AMY2B: variants seen among roughly 807,000 people sequenced by gnomAD.
AMY2B encodes amylase alpha 2B.
AMY2B carries 63 observed loss-of-function variants against 59.3 expected under a neutral mutation model. That is an observed-to-expected ratio of 1.06 (90% CI 0.87 to 1.31). The LOEUF (loss-of-function observed/expected upper bound fraction) is 1.31, where lower values mean the gene tolerates loss of function less well. AMY2B is among the 50% of genes most tolerant of loss of function. AMY2B has a pLI of 0.00. For synonymous variants in AMY2B, 180 were observed against 198.1 expected, an observed-to-expected ratio of 0.91 and a Z score of 0.77; for missense variants, 635 against 626.7, an observed-to-expected ratio of 1.01 and a Z score of -0.14.
rs768084085 is a variant in AMY2B, at chr1:103,577,593, G to A, written c.1205G>A (p.Arg402Gln). Residue 402 changes from arginine to glutamine, a missense_variant, in exon 8 of 10, where the codon CGA becomes CAA. Transcript: ENST00000684275. ...GGCAATGACTGGGTCTGTGAACATC[G>A]ATGGCGCCAAATAAGGTGAGAATAT... ...TCGNDWVCEH[R>Q]WRQIRNMVNF... 3.4e-5 allele frequency: 54 copies of A among 1,611,754 alleles called. No individual in the cohort carries two copies. The highest frequency in any genetic ancestry group is 4.2e-5 in the Non-Finnish European group (50 of 1,179,798).
rs529357881 is a variant in AMY2B at position 103,559,637 on chromosome 1, G to A, written c.-207+4528G>A. Among the ~76,000 whole-genome samples, 62 of 151,984 alleles carry A rather than the reference G, an allele frequency of 4.1e-4. 2 individuals carry two copies. In the South Asian group the frequency reaches 0.011, roughly 28 times the overall value. On this transcript the variant is annotated intron_variant, in intron 1 of 11. Transcript: ENST00000361355. ...CATAAGAACTGGAAACATTCAATAAGAAAAATAATAAAAGCAAAAGAAGAT... is the reference window on the plus strand; with the variant it reads ...CATAAGAACTGGAAACATTCAATAAAAAAAATAATAAAAGCAAAAGAAGAT...
chr1:103,575,161 T>A (rs1042212695), intron 5 of AMY2B, 62 bp from the exon 6 acceptor site: 1 of 1,608,548 alleles, frequency 6.2e-7, no homozygotes, highest in Non-Finnish European at 8.5e-7. Flanking sequence ...GATGCACAGT[T>A]AAGTTACTCG....
intron 9 of AMY2B, 127 bp downstream of exon 9, chr1:103,577,972 A>G: frequency 6.5e-7 from 1 of 1,529,590 alleles, no homozygotes. Flanking sequence ...AAGACAATAG[A>G]CATCAAAATT....
chr1:103,569,742 C>A, upstream of AMY2B: 1 of 416,242 alleles, frequency 2.4e-6, no homozygotes, highest in South Asian at 2.0e-5. Flanking sequence ...AGCACAGTAT[C>A]CTGACCCTGA....
At chr1:103,574,797 A>C (rs1346990150) in intron 5 of AMY2B, among the ~76,000 whole-genome samples, 1 of 151,470 alleles carries the variant, frequency 6.6e-6, no homozygotes, top group Non-Finnish European at 1.5e-5. Context: ...ATAACAATAC[A>C]GTATTGAAGC....
upstream of AMY2B, chr1:103,569,706 C>T (rs981693035): frequency 9.9e-6 from 4 of 402,160 alleles, no homozygotes; most frequent in South Asian, 8.3e-5. Context: ...AGAGGGACTC[C>T]TATGTGGGCT....
intron 1 of AMY2B, among the ~76,000 whole-genome samples, chr1:103,563,537 G>A (rs74410152): frequency 6.6e-6 from 1 of 151,968 alleles, no homozygotes; most frequent in Non-Finnish European, 1.5e-5. Flanking sequence ...TTCTCCTATG[G>A]GGTATATAGC....
At position 103,571,721 on chromosome 1, in the gene AMY2B, C is replaced by T. The variant is rs147844679; in HGVS notation, c.119C>T (p.Ala40Val). 12 of 1,611,786 alleles carry T rather than the reference C, an allele frequency of 7.4e-6. No homozygotes were observed. In the African/African-American group the frequency reaches 1.6e-4, roughly 22 times the overall value. Reference protein sequence around the residue: ...HLFEWRWVDIALECERYLAPK... With the variant: ...HLFEWRWVDIVLECERYLAPK... ...TTTGAATGGCGATGGGTTGATATTG[C>T]TCTTGAATGTGAGCGATATTTAGCT... is the stretch of plus-strand genomic sequence containing the variant. The change falls in exon 1 of 10, where the codon GCT becomes GTT. Residue 40 changes from alanine to valine, a missense_variant. Ala to Val is a moderately conservative substitution (Grantham distance 64). Transcript: ENST00000684275.
intron 1 of AMY2B, 43 bp downstream of exon 1, chr1:103,571,813 T>A: frequency 6.2e-7 from 1 of 1,611,956 alleles, no homozygotes; most frequent in Non-Finnish European, 8.5e-7. Context: ...TCACTATGCT[T>A]GTAGTAAATA....
At chr1:103,564,539 A>T (rs1237937675) in intron 1 of AMY2B, among the ~76,000 whole-genome samples, 1 of 151,718 alleles carries the variant, frequency 6.6e-6, no homozygotes, top group African/African-American at 2.4e-5. Flanking sequence ...TCTCCTTCCT[A>T]CTCCCTGTAC....
upstream of AMY2B, chr1:103,569,505 C>T (rs778612125): frequency 1.6e-5 from 4 of 251,684 alleles, no homozygotes; most frequent in Non-Finnish European, 2.4e-5. Flanking sequence ...CCAGCCCATG[C>T]ACCATGTTGT....
rs1192951328 is a variant in AMY2B at position 103,573,268 on chromosome 1, T to A, written c.513+8T>A. 1 of 1,613,550 alleles carries A rather than the reference T, an allele frequency of 6.2e-7. No homozygotes were observed. The highest frequency in any genetic ancestry group is 8.5e-7 in the Non-Finnish European group (1 of 1,179,550). On this transcript the variant is annotated splice_region_variant and intron_variant, in intron 3 of 9. Transcript: ENST00000684275. ...TACAATGATGCTACTCAGGTAAATT[T>A]TTTTATGAGAGTCATCTGAATAAGG...
chr1:103,575,628 T>C, intron 7 of AMY2B, 88 bp downstream of exon 7: 1 of 1,548,986 alleles, frequency 6.5e-7, no homozygotes, highest in Non-Finnish European at 8.8e-7. Flanking sequence ...ATTAATTATA[T>C]ATTCAACAAA....
rs775400807 is a variant in AMY2B at position 103,573,962 on chromosome 1, T to C, written c.744+24T>C. On this transcript the variant is annotated intron_variant, in intron 4 of 9. Coordinates refer to ENST00000684275, the MANE Select transcript of AMY2B (RefSeq NM_001387437.1). ...AGGTACATCAATACATATATGCATA[T>C]AAAATATCATCTTATTCATTAGAAA... is the stretch of plus-strand genomic sequence containing the variant. 4 of 1,613,624 alleles carry C rather than the reference T, an allele frequency of 2.5e-6. 1 individual carries two copies. Among genetic ancestry groups the C allele is most frequent in the Non-Finnish European group, 3.4e-6 (4 of 1,179,652 alleles).
intron 1 of AMY2B, among the ~76,000 whole-genome samples, chr1:103,557,636 G>C (rs972057649): frequency 6.6e-6 from 1 of 151,256 alleles, no homozygotes; most frequent in African/African-American, 2.4e-5. Context: ...TTCAGTGATG[G>C]AGTTAGATTA....
At chr1:103,561,047 T>C (rs1363846683) in intron 1 of AMY2B, among the ~76,000 whole-genome samples, 1 of 150,688 alleles carries the variant, frequency 6.6e-6, no homozygotes, top group Non-Finnish European at 1.5e-5. Context: ...AGGGTACGCG[T>C]GTGTGATAAG....
intron 9 of AMY2B, among the ~76,000 whole-genome samples, 167 bp downstream of exon 9, chr1:103,578,012 C>G (rs570256470): frequency 6.6e-6 from 1 of 152,240 alleles, no homozygotes; most frequent in African/African-American, 2.4e-5. Context: ...ATGGCTGTTA[C>G]TCCTTCATTC....
chr1:103,567,335 GC>G (rs1651942822), upstream of AMY2B, among the ~76,000 whole-genome samples: 2 of 152,108 alleles, frequency 1.3e-5, no homozygotes, highest in Admixed American at 1.3e-4. Flanking sequence ...GGATTGGCTG[GC>G]GGAAGGACCA....
intron 7 of AMY2B, 53 bp downstream of exon 7, chr1:103,575,593 CT>C: frequency 6.2e-7 from 1 of 1,601,584 alleles, no homozygotes; most frequent in Non-Finnish European, 8.5e-7. Flanking sequence ...AGAAGGCAAT[CT>C]TGTTCTAACT....
Sources: allele counts gnomAD v4.1 joint callset (sites outside exome capture counted in the v4.1 genomes callset), GRCh38; gene constraint gnomAD v4.1.1; transcripts MANE v1.5; gene names NCBI Gene and HGNC (gene_info 2026-07-23, HGNC 2026-07-21).